TBRG1: variants seen among roughly 807,000 people sequenced by gnomAD.
The protein encoded by TBRG1 is transforming growth factor beta regulator 1.
TBRG1 carries 31 observed loss-of-function variants against 44.0 expected under a neutral mutation model. The observed-to-expected ratio is 0.70, with a 90% CI of 0.53 to 0.95. TBRG1 has a LOEUF of 0.95. Among genes scored for constraint, TBRG1 ranks in the 40% least tolerant of loss-of-function variants. The pLI is 0.00. For missense variants in TBRG1, 487 were observed against 496.1 expected (o/e 0.98, Z 0.18); for synonymous variants, 171 against 188.1 (o/e 0.91, Z 0.74).
At position 124,626,991 on chromosome 11, in the gene TBRG1, T is replaced by G. The variant is rs1261338658; in HGVS notation, c.679T>G (p.Cys227Gly). The part of the protein sequence containing the change: ...CSTRIYASMK[C>G]PDQKCLYTCQ... Reference sequence around the variant, plus strand: ...TACTCGAATATATGCCAGCATGAAGTGCCCAGACCAGAAGTGTCTATATAC... The same window carrying G: ...TACTCGAATATATGCCAGCATGAAGGGCCCAGACCAGAAGTGTCTATATAC... The change falls in exon 5 of 9, where the codon TGC becomes GGC. Residue 227 changes from cysteine (C) to glycine (G), a missense_variant. Transcript: ENST00000441174. 6.3e-7 allele frequency: 1 copy of G among 1,575,732 alleles called. No homozygotes were observed. Among genetic ancestry groups the G allele is most frequent in the Non-Finnish European group, 8.6e-7 (1 of 1,159,000 alleles).
At chr11:124,625,035 TTTTTGGTGATTG>T in intron 2 of TBRG1, 34 bp downstream of exon 2, 12 of 1,395,312 alleles carry the variant, frequency 8.6e-6, no homozygotes, top group Non-Finnish European at 1.2e-5. Context: ...CAGCATCACC[TTTTTGGTGATTG>T]ATTTGGTGAT....
chr11:124,632,057 G>A (rs375647331), intron 8 of TBRG1, 36 bp from the exon 9 acceptor site: 36 of 1,609,222 alleles, frequency 2.2e-5, no homozygotes, highest in Non-Finnish European at 2.8e-5. Flanking sequence ...CCAGACTCCC[G>A]AGCAGCAGTG....
At chr11:124,630,352 T>G in intron 5 of TBRG1, 36 bp from the exon 6 acceptor site, 7 of 1,359,164 alleles carry the variant, frequency 5.2e-6, no homozygotes, top group Non-Finnish European at 7.4e-6. Context: ...CCTTCCTTCT[T>G]GAGGATTGAT....
intron 5 of TBRG1, among the ~76,000 whole-genome samples, chr11:124,628,100 TATATATATATATATATACACACACACAC>T (rs1314260444): frequency 3.9e-4 from 21 of 53,316 alleles, no homozygotes; most frequent in South Asian, 2.6e-3. Context: ...TATATATATA[TATATATATATATATATACACACACACAC>T]ACACACACAC....
Position 124,622,974 on chromosome 11 carries a change from G to C in TBRG1, c.-110G>C, listed in dbSNP as rs868094119. On this transcript the variant is annotated 5_prime_UTR_variant, in exon 1 of 9. Transcript: ENST00000441174. ...AACGTCCCGGAGAGCTAGATTCCTA[G>C]AGGCCCGATTCCGCTAGCCCGGAAC... 4.1e-6 allele frequency: 5 copies of C among 1,231,288 alleles called. No individual in the cohort carries two copies. The South Asian group carries it at 4.7e-5, about 12-fold the overall frequency. 76.3% of individuals were successfully genotyped at this position (1,231,288 alleles called of 1,614,324 possible). A position where few individuals can be genotyped will look rare whatever the true frequency, so the allele number is the denominator to read the frequency against.
rs1400275642 is a variant in TBRG1 at position 124,630,849 on chromosome 11, G to T, written c.941G>T (p.Cys314Phe). ...LIQSCPGARK[C>F]INYQWVKFDV... is the part of the protein sequence containing the mutation. ...CAGAGCTGTCCAGGAGCTCGAAAAT[G>T]CATCAAGTAAGTGTGATCAAATTCA... Residue 314 changes from cysteine to phenylalanine, a missense_variant, in exon 7 of 9, where the codon TGC becomes TTC. By Grantham distance (205) the Cys-to-Phe change is radical. Coordinates refer to ENST00000441174, the MANE Select transcript of TBRG1 (RefSeq NM_032811.3). 6.3e-7 allele frequency: 1 copy of T among 1,584,870 alleles called. No homozygotes were observed. Among genetic ancestry groups the T allele is most frequent in the Non-Finnish European group, 8.6e-7 (1 of 1,162,054 alleles).
rs1459445650 is a variant in TBRG1 at position 124,632,047 on chromosome 11, C to G, written c.1091-46C>G. The stretch of plus-strand genomic sequence containing the variant: ...TATATGTCTGACCAAAACAGTCTGC[C>G]CAGACTCCCGAGCAGCAGTGGAACT... On this transcript the variant is annotated intron_variant, in intron 8 of 8. Transcript: ENST00000441174. 5 of 1,589,300 alleles carry G rather than the reference C, an allele frequency of 3.1e-6. No individual in the cohort carries two copies. In the South Asian group the frequency reaches 4.4e-5, roughly 14 times the overall value.
At chr11:124,631,706 A>T in intron 8 of TBRG1, 2 of 485,650 alleles carry the variant, frequency 4.1e-6, no homozygotes, top group Non-Finnish European at 7.4e-6. Flanking sequence ...ACACCAGGGG[A>T]AAGTTTACTG....
At chr11:124,626,427 A>G (rs1438189942) in intron 3 of TBRG1, 46 bp from the exon 4 acceptor site, 9 of 1,471,334 alleles carry the variant, frequency 6.1e-6, no homozygotes, top group East Asian at 5.0e-5. Context: ...CTTCCCTTCA[A>G]CATTGGAAGG....
chr11:124,625,671 G>A lies in TBRG1; in HGVS notation c.222G>A (p.Arg74=). The part of the protein sequence containing the change: ...EKFLKAKEER[R]YLLKKLLQLQ... ...CTGCTCCTTTCCTTCCTGATCTCAGGTACTTGCTAAAGAAGCTCCTCCAGC... is the reference window on the plus strand; with the variant it reads ...CTGCTCCTTTCCTTCCTGATCTCAGATACTTGCTAAAGAAGCTCCTCCAGC... Residue 74 remains arginine (R), a splice_region_variant and synonymous_variant, in exon 3 of 9, where the codon AGG becomes AGA. Transcript: ENST00000441174. The A allele has an allele frequency of 6.4e-7, 1 of 1,550,644 alleles. No individual in the cohort carries two copies. Among genetic ancestry groups the A allele is most frequent in the Non-Finnish European group, 8.7e-7 (1 of 1,146,724 alleles).
chr11:124,627,549 A>G (rs1248978050), intron 5 of TBRG1, among the ~76,000 whole-genome samples: 2 of 152,212 alleles, frequency 1.3e-5, no homozygotes, highest in African/African-American at 4.8e-5. Flanking sequence ...CCCAACCATC[A>G]TCTCCTGATT....
chr11:124,632,148 C>T lies in TBRG1; in HGVS notation c.1146C>T (p.Pro382=), dbSNP rs1942630205. The change falls in exon 9 of 9, where the codon CCC becomes CCT. Residue 382 remains proline, a synonymous_variant. Transcript: ENST00000441174. ...QPAAFVSSYQ[P]MYLTHEPLVD... The stretch of plus-strand genomic sequence containing the variant: ...CAGCCTTTGTGTCTTCTTACCAGCC[C>T]ATGTACCTGACACATGAACCCTTGG... 1 of 1,613,540 alleles carries T rather than the reference C, an allele frequency of 6.2e-7. No individual in the cohort carries two copies. Among genetic ancestry groups the T allele is most frequent in the Non-Finnish European group, 8.5e-7 (1 of 1,179,548 alleles).
rs1185007797 is a variant in TBRG1 at position 124,632,097 on chromosome 11, C to G, written c.1095C>G (p.Ser365=). The G allele has an allele frequency of 6.2e-7, 1 of 1,613,616 alleles. No homozygotes were observed. The highest frequency in any genetic ancestry group is 1.7e-5 in the Admixed American group (1 of 59,994). ...EDQNDPLLPG[S]LDLPELQPAA... ...TTAAGGAATTGTTTTCTCCAGGATC[C>G]TTGGACCTCCCAGAGCTTCAGCCTG... is the stretch of plus-strand genomic sequence containing the variant. Residue 365 remains serine, a synonymous_variant, in exon 9 of 9, where the codon TCC becomes TCG. Coordinates refer to ENST00000441174, the MANE Select transcript of TBRG1 (RefSeq NM_032811.3).
Position 124,630,776 on chromosome 11 carries a change from G to A in TBRG1, c.868G>A (p.Gly290Arg), listed in dbSNP as rs202186100. The A allele has an allele frequency of 3.1e-6, 5 of 1,607,868 alleles. No homozygotes were observed. The highest frequency in any genetic ancestry group is 4.2e-6 in the Non-Finnish European group (5 of 1,177,028). The change falls in exon 7 of 9, where the codon GGA becomes AGA. Residue 290 changes from glycine (G) to arginine (R), a missense_variant. By Grantham distance (125) the Gly-to-Arg change is moderately radical (BLOSUM62 -2). Coordinates refer to ENST00000441174, the MANE Select transcript of TBRG1 (RefSeq NM_032811.3). ...GKLMPNLLPA[G>R]ADFFGFSHPA... Reference sequence around the variant, plus strand: ...ACTAATGCCTAACCTGCTTCCAGCTGGAGCTGACTTTTTTGGATTTTCTCA... The same window carrying A: ...ACTAATGCCTAACCTGCTTCCAGCTAGAGCTGACTTTTTTGGATTTTCTCA...
chr11:124,630,780 C>G lies in TBRG1; in HGVS notation c.872C>G (p.Ala291Gly). Residue 291 changes from alanine (A) to glycine (G), a missense_variant, in exon 7 of 9, where the codon GCT (alanine) becomes GGT (glycine). Coordinates refer to ENST00000441174, the MANE Select transcript of TBRG1 (RefSeq NM_032811.3). ...KLMPNLLPAG[A>G]DFFGFSHPAI... ...ATGCCTAACCTGCTTCCAGCTGGAG[C>G]TGACTTTTTTGGATTTTCTCATCCA... 1 of 1,608,106 alleles carries G rather than the reference C, an allele frequency of 6.2e-7. No homozygotes were observed. The highest frequency in any genetic ancestry group is 8.5e-7 in the Non-Finnish European group (1 of 1,177,150).
Position 124,622,952 on chromosome 11 carries a change from G to C in TBRG1, c.-132G>C, listed in dbSNP as rs535283457. 3.8e-6 allele frequency: 4 copies of C among 1,056,946 alleles called. No homozygotes were observed. In the Admixed American group the frequency reaches 8.7e-5, roughly 23 times the overall value. The allele number at this position is 1,056,946 out of a possible 1,614,324, so 65.5% of individuals were successfully genotyped here. ...TGGCCCTGCGGTCAGCCCTGGGAAC[G>C]TCCCGGAGAGCTAGATTCCTAGAGG... On this transcript the variant is annotated 5_prime_UTR_variant, in exon 1 of 9. Transcript: ENST00000441174.
intron 5 of TBRG1, 58 bp from the exon 6 acceptor site, chr11:124,630,330 A>G (rs1942580037): frequency 9.4e-7 from 1 of 1,062,142 alleles, no homozygotes; most frequent in Non-Finnish European, 1.5e-6. Flanking sequence ...ACAGAGTAGT[A>G]TGCCCCTCTC....
chr11:124,623,329 T>C (rs1435326137), intron 1 of TBRG1, 96 bp downstream of exon 1: 1 of 1,381,914 alleles, frequency 7.2e-7, no homozygotes, highest in Non-Finnish European at 1.0e-6. Context: ...ACAGTATTAA[T>C]ACAGTGTTGG....
At position 124,629,318 on chromosome 11, in the gene TBRG1, G is replaced by A. The variant is rs185764753; in HGVS notation, c.739-1070G>A. On this transcript the variant is annotated intron_variant, in intron 5 of 8. Coordinates refer to ENST00000441174, the MANE Select transcript of TBRG1 (RefSeq NM_032811.3). Reference sequence around the variant, plus strand: ...CACGCCACTGCACTCCAGCCTGGGCGACAGAGCAAGATTCCATCTCAAAAA... The same window carrying A: ...CACGCCACTGCACTCCAGCCTGGGCAACAGAGCAAGATTCCATCTCAAAAA... 1.6e-3 allele frequency among the ~76,000 whole-genome samples: 243 copies of A among 151,388 alleles called. 2 individuals are homozygous for A. Among genetic ancestry groups the A allele is most frequent in the African/African-American group, 5.5e-3 (227 of 41,242 alleles).
Sources: gnomAD v4.1 joint callset for allele counts (sites outside exome capture counted in the v4.1 genomes callset) on GRCh38, gnomAD v4.1.1 for gene constraint, MANE v1.5 for transcripts, NCBI Gene and HGNC (gene_info 2026-07-23, HGNC 2026-07-21) for gene names.